The following SIPA1L1 variants were observed in gnomAD, a reference collection of about 807,000 sequenced individuals.
SIPA1L1 encodes the protein signal induced proliferation associated 1 like 1.
Under a neutral mutation model 162.7 loss-of-function variants are expected in SIPA1L1, and 26 were observed. That is an observed-to-expected ratio of 0.16 (90% CI 0.12 to 0.22). The LOEUF is 0.22. Among genes scored for constraint, SIPA1L1 ranks in the 10% least tolerant of loss-of-function variants. The pLI is 1.00. For missense variants in SIPA1L1, 1,874 were observed against 2,241.0 expected, an observed-to-expected ratio of 0.84 and a Z score of 3.31; for synonymous variants, 829 against 837.4, an observed-to-expected ratio of 0.99 and a Z score of 0.17.
intron 7 of SIPA1L1, among the ~76,000 whole-genome samples, chr14:71,647,259 G>C (rs894138451): frequency 1.3e-5 from 2 of 151,920 alleles, no homozygotes; most frequent in Non-Finnish European, 2.9e-5. Flanking sequence ...GGCAAAACCG[G>C]TTTGTTCTGT....
chr14:71,453,549 T>C (rs1039837889), intron 2 of SIPA1L1, among the ~76,000 whole-genome samples: 9 of 152,238 alleles, frequency 5.9e-5, no homozygotes, highest in African/African-American at 1.9e-4. Flanking sequence ...AAGTAGAAAG[T>C]GCATTTGAGA....
intron 4 of SIPA1L1, among the ~76,000 whole-genome samples, chr14:71,542,089 A>G (rs988639030): frequency 8.6e-5 from 13 of 152,036 alleles, no homozygotes; most frequent in African/African-American, 2.9e-4. Flanking sequence ...CTATATTTTT[A>G]TTTTTTTAGA....
At chr14:71,372,062 A>G (rs536414101) in intron 2 of SIPA1L1, among the ~76,000 whole-genome samples, 12 of 152,316 alleles carry the variant, frequency 7.9e-5, no homozygotes, top group African/African-American at 2.9e-4. Flanking sequence ...AAAATATGAG[A>G]AACCACAGTT....
chr14:71,400,525 A>G (rs2041589280), intron 2 of SIPA1L1, among the ~76,000 whole-genome samples: 1 of 152,116 alleles, frequency 6.6e-6, no homozygotes, highest in Admixed American at 6.6e-5. Flanking sequence ...TGGGTGGTCA[A>G]GCGGCACAGA....
intron 2 of SIPA1L1, among the ~76,000 whole-genome samples, chr14:71,419,711 A>G (rs866201544): frequency 6.6e-6 from 1 of 151,682 alleles, no homozygotes; most frequent in African/African-American, 2.4e-5. Flanking sequence ...GTTAGCCAGG[A>G]TGGTCTTGAT....
chr14:71,663,176 ACC>A (rs2043690367), intron 10 of SIPA1L1, among the ~76,000 whole-genome samples: 1 of 152,180 alleles, frequency 6.6e-6, no homozygotes, highest in Non-Finnish European at 1.5e-5. Context: ...ACTGTTTTTG[ACC>A]AATTTATACA....
chr14:71,696,864 T>C lies in SIPA1L1; in HGVS notation c.3375-2117T>C, dbSNP rs185478991. Reference sequence around the variant, plus strand: ...CTAATCTATGAATTCAAAGCTATGATGTTGGCATCAGGCCTTTTTATGTGA... The same window carrying C: ...CTAATCTATGAATTCAAAGCTATGACGTTGGCATCAGGCCTTTTTATGTGA... On this transcript the variant is annotated intron_variant, in intron 13 of 23. Transcript: ENST00000381232. Among the ~76,000 whole-genome samples, 436 of 152,352 alleles carry C rather than the reference T, an allele frequency of 2.9e-3. 6 individuals are homozygous for C. Among genetic ancestry groups the C allele is most frequent in the Non-Finnish European group, 9.6e-4 (65 of 68,030 alleles).
intron 4 of SIPA1L1, among the ~76,000 whole-genome samples, chr14:71,571,628 G>GTTTATTTATTTA (rs374571269): frequency 1.3e-3 from 204 of 151,124 alleles, no homozygotes; most frequent in Non-Finnish European, 2.4e-3. Context: ...AAACTGGATG[G>GTTTATTTATTTA]TTTATTTATT....
At chr14:71,729,874 T>C (rs898998662) in intron 19 of SIPA1L1, among the ~76,000 whole-genome samples, 181 bp from the exon 20 acceptor site, 2 of 152,214 alleles carry the variant, frequency 1.3e-5, no homozygotes, top group Non-Finnish European at 2.9e-5. Context: ...GGCTAAGGAA[T>C]AATGACCAGG....
At position 71,660,529 on chromosome 14, in the gene SIPA1L1, C is replaced by T. The variant is rs973847772; in HGVS notation, c.2098-781C>T. 1.5e-4 allele frequency among the ~76,000 whole-genome samples: 23 copies of T among 151,874 alleles called. 1 individual carries two copies. Among genetic ancestry groups the T allele is most frequent in the Admixed American group, 1.5e-3 (23 of 15,216 alleles). On this transcript the variant is annotated intron_variant, in intron 9 of 23. Coordinates refer to ENST00000381232, the MANE Select transcript of SIPA1L1 (RefSeq NM_001386936.1). ...TTTTTAAATACAAGTTTTGTAAGTA[C>T]AAGCTTATGTCTAATGGATAGTTTA...
At chr14:71,324,188 G>T (rs1257246292) in intron 2 of SIPA1L1, among the ~76,000 whole-genome samples, 2 of 152,104 alleles carry the variant, frequency 1.3e-5, no homozygotes, top group Admixed American at 1.3e-4. Context: ...TTGTAATAGG[G>T]TTTTCTTACT....
chr14:71,366,671 C>T (rs1208597988), intron 2 of SIPA1L1, among the ~76,000 whole-genome samples: 12 of 151,986 alleles, frequency 7.9e-5, no homozygotes, highest in Admixed American at 7.2e-4. Context: ...CTCCTGATCT[C>T]GTGATCCACC....
chr14:71,490,470 A>AT (rs977363835), intron 2 of SIPA1L1, among the ~76,000 whole-genome samples: 4 of 151,700 alleles, frequency 2.6e-5, no homozygotes, highest in East Asian at 3.9e-4. Context: ...CTGTGTCTAA[A>AT]TTTTTTTTTA....
At chr14:71,556,119 T>C (rs2056331629) in intron 4 of SIPA1L1, among the ~76,000 whole-genome samples, 1 of 152,186 alleles carries the variant, frequency 6.6e-6, no homozygotes, top group Admixed American at 6.5e-5. Context: ...AAAAAACACC[T>C]GCAAAGTGCA....
At chr14:71,572,308 GA>G (rs991055934) in intron 4 of SIPA1L1, among the ~76,000 whole-genome samples, 1 of 152,136 alleles carries the variant, frequency 6.6e-6, no homozygotes, top group Non-Finnish European at 1.5e-5. Context: ...CAAATATTCG[GA>G]CCATAGCAAC....
At chr14:71,619,748 T>C (rs1446540389) in intron 6 of SIPA1L1, among the ~76,000 whole-genome samples, 1 of 152,204 alleles carries the variant, frequency 6.6e-6, no homozygotes, top group East Asian at 1.9e-4. Flanking sequence ...ATAGGGCATT[T>C]GGCTTCATTT....
chr14:71,652,602 AC>A (rs1294139902), intron 8 of SIPA1L1, among the ~76,000 whole-genome samples: 1 of 150,482 alleles, frequency 6.6e-6, no homozygotes, highest in Non-Finnish European at 1.5e-5. Flanking sequence ...TCACTGGTGT[AC>A]CACAGGTTAA....
chr14:71,345,139 T>A (rs1205910197), intron 2 of SIPA1L1, among the ~76,000 whole-genome samples: 1 of 152,036 alleles, frequency 6.6e-6, no homozygotes, highest in Non-Finnish European at 1.5e-5. Flanking sequence ...AATTTGGGTA[T>A]TTTCCTGGCG....
chr14:71,331,954 T>G (rs1477071081), intron 2 of SIPA1L1, among the ~76,000 whole-genome samples: 1 of 152,214 alleles, frequency 6.6e-6, no homozygotes, highest in East Asian at 1.9e-4. Flanking sequence ...GTGGCTGCTA[T>G]AGGAACAAAT....
Sources: allele counts gnomAD v4.1 joint callset (sites outside exome capture counted in the v4.1 genomes callset), GRCh38; gene constraint gnomAD v4.1.1; transcripts MANE v1.5; gene names NCBI Gene and HGNC (gene_info 2026-07-23, HGNC 2026-07-21).